The following BPTF variants were observed in gnomAD, a reference collection of about 807,000 sequenced individuals.
BPTF encodes bromodomain PHD finger transcription factor.
A neutral mutation model predicts 292.5 loss-of-function variants in BPTF; 18 were observed. That is an observed-to-expected ratio of 0.06 (90% CI 0.04 to 0.09). BPTF has a LOEUF of 0.09. Ranked by LOEUF, BPTF falls within the 10% of genes least tolerant of loss-of-function variation. The probability of loss-of-function intolerance (pLI) is 1.00; values close to 1 mark genes in which losing one functional copy is unlikely to be tolerated. For synonymous variants in BPTF, 1,225 were observed against 1,251.9 expected (o/e 0.98, Z 0.45); for missense variants, 2,726 against 3,498.7 (o/e 0.78, Z 5.57).
intron 1 of BPTF, among the ~76,000 whole-genome samples, chr17:67,826,947 G>GT (rs1420916869): frequency 1.3e-5 from 2 of 152,116 alleles, no homozygotes; most frequent in Non-Finnish European, 2.9e-5. Flanking sequence ...CTGTGTGTTT[G>GT]TTTTTATTCT....
chr17:67,828,314 G>A lies in BPTF; in HGVS notation c.613+1977G>A, dbSNP rs114653313. Among the ~76,000 whole-genome samples, 626 of 152,164 alleles carry A rather than the reference G, an allele frequency of 4.1e-3. 5 individuals carry two copies. The highest frequency in any genetic ancestry group is 0.014 in the African/African-American group (588 of 41,508). On this transcript the variant is annotated intron_variant, in intron 1 of 27. Coordinates refer to ENST00000306378, the MANE Select transcript of BPTF (RefSeq NM_182641.4). ...CACCCAGAGCCGGTAATTGAAACACGGAGACTGAATTGCATACACCCCTGG... is the reference window on the plus strand; with the variant it reads ...CACCCAGAGCCGGTAATTGAAACACAGAGACTGAATTGCATACACCCCTGG...
chr17:67,959,931 T>C, intron 24 of BPTF, 56 bp downstream of exon 24: 1 of 1,317,380 alleles, frequency 7.6e-7, no homozygotes, highest in South Asian at 1.6e-5. Context: ...GCTATTAAAT[T>C]GGATTTTGAA....
rs782088820 is a variant in BPTF, at chr17:67,945,593, TCAGCCTGAAGTTCAGACC to T, written c.6888_6905del (p.Pro2297_Gln2302del). On this transcript the variant is annotated inframe_deletion, in exon 21 of 28. Transcript: ENST00000306378. Reference sequence around the variant, plus strand: ...CCCCAGCTCAGCCTGAAGTTCAGACTCAGCCTGAAGTTCAGACCCAAACAACTGTTTCATCCCATGTCC... The same window carrying T: ...CCCCAGCTCAGCCTGAAGTTCAGACTCAAACAACTGTTTCATCCCATGTCC... 2 of 1,611,270 alleles carry T rather than the reference TCAGCCTGAAGTTCAGACC, an allele frequency of 1.2e-6. No homozygotes were observed. The highest frequency in any genetic ancestry group is 1.1e-5 in the South Asian group (1 of 90,870).
chr17:67,856,229 C>T (rs558522323), intron 2 of BPTF, among the ~76,000 whole-genome samples: 8 of 152,084 alleles, frequency 5.3e-5, no homozygotes, highest in African/African-American at 1.7e-4. Context: ...TTATCTTGGT[C>T]GTCCAACCCT....
rs139647949 is a variant in BPTF, at chr17:67,869,297, AT to A, written c.1660+2611del. 3.1e-3 allele frequency among the ~76,000 whole-genome samples: 474 copies of A among 152,326 alleles called. 4 individuals are homozygous for A. The highest frequency in any genetic ancestry group is 0.011 in the African/African-American group (444 of 41,580). ...AATAAAAAATAGAAAAAACAAAAAA[AT>A]ATTTTCTGTGTGTTAGATTATGTAT... On this transcript the variant is annotated intron_variant, in intron 3 of 27. Transcript: ENST00000306378.
intron 22 of BPTF, 91 bp from the exon 23 acceptor site, chr17:67,947,990 T>C (rs2147991257): frequency 2.9e-6 from 4 of 1,363,676 alleles, no homozygotes; most frequent in Non-Finnish European, 4.1e-6. Context: ...CAGAAAGTTT[T>C]TGTCTCATCT....
Position 67,911,481 on chromosome 17 carries a change from A to T in BPTF, c.3597A>T (p.Arg1199Ser). The T allele has an allele frequency of 6.2e-7, 1 of 1,614,072 alleles. No homozygotes were observed. The highest frequency in any genetic ancestry group is 8.5e-7 in the Non-Finnish European group (1 of 1,179,988). Residue 1199 changes from arginine to serine, a missense_variant, in exon 11 of 28, where the codon AGA becomes AGT. By Grantham distance (110) the Arg-to-Ser change is moderately radical. Transcript: ENST00000306378. ...AAAAAGTCTCTGACCTTGCCAGTAGAGGCCAGGAACCCAGTAAGAGTAAAA... is the reference window on the plus strand; with the variant it reads ...AAAAAGTCTCTGACCTTGCCAGTAGTGGCCAGGAACCCAGTAAGAGTAAAA... Reference protein sequence around the residue: ...IEEKVSDLASRGQEPSKSKTK... With the variant: ...IEEKVSDLASSGQEPSKSKTK...
rs1194017173 is a variant in BPTF, at chr17:67,947,184, T to C, written c.7618-542T>C. ...TTACACAGCGAAGTTATTTTAAAGA[T>C]GTAGTATTCTTATGAAAATGACGGT... On this transcript the variant is annotated intron_variant, in intron 21 of 27. Transcript: ENST00000306378. Among the ~76,000 whole-genome samples, 4 of 152,212 alleles carry C rather than the reference T, an allele frequency of 2.6e-5. No individual in the cohort carries two copies. The East Asian group carries it at 7.7e-4, about 29-fold the overall frequency.
chr17:67,846,947 C>T (rs1361668712), intron 1 of BPTF, among the ~76,000 whole-genome samples: 6 of 152,072 alleles, frequency 3.9e-5, no homozygotes, highest in African/African-American at 9.7e-5. Context: ...GTGATCCACC[C>T]GCCTTGGCCT....
At chr17:67,963,849 AT>A (rs2067747094) in intron 24 of BPTF, among the ~76,000 whole-genome samples, 1 of 152,192 alleles carries the variant, frequency 6.6e-6, no homozygotes, top group Non-Finnish European at 1.5e-5. Flanking sequence ...AAAAACACTA[AT>A]TTGGGTACAA....
intron 13 of BPTF, among the ~76,000 whole-genome samples, chr17:67,922,304 T>C (rs1167433844): frequency 6.6e-6 from 1 of 152,224 alleles, no homozygotes; most frequent in Non-Finnish European, 1.5e-5. Context: ...CTTTTTATTT[T>C]TTAAATCTTT....
intron 3 of BPTF, among the ~76,000 whole-genome samples, chr17:67,874,215 A>G (rs1477337140): frequency 6.6e-6 from 1 of 152,194 alleles, no homozygotes; most frequent in Non-Finnish European, 1.5e-5. Flanking sequence ...GTGGTCTATA[A>G]CATGCCATAG....
rs756908416 is a variant in BPTF at position 67,912,083 on chromosome 17, A to G, written c.4199A>G (p.Gln1400Arg). ...AATCGAGAGTCTGAAAAGAAAGGAC[A>G]GAGAACAAGTACATTTCAAATAAAT... ...NENRESEKKG[Q>R]RTSTFQINGK... Residue 1400 changes from glutamine (Q) to arginine (R), a missense_variant, in exon 11 of 28, where the codon CAG becomes CGG. By Grantham distance (43) the Gln-to-Arg change is conservative (BLOSUM62 1). This residue lies in a region of BPTF where 713 missense variants were observed against 714.9 expected (regional missense o/e 1.00). Coordinates refer to ENST00000306378, the MANE Select transcript of BPTF (RefSeq NM_182641.4). 3 of 1,609,960 alleles carry G rather than the reference A, an allele frequency of 1.9e-6. No homozygotes were observed. In the Admixed American group the frequency reaches 5.1e-5, roughly 27 times the overall value.
In BPTF at chr17:67,936,425, C is replaced by G. The variant is rs117391632; in HGVS notation, c.6260-4014C>G. 2.1e-3 allele frequency among the ~76,000 whole-genome samples: 313 copies of G among 152,252 alleles called. 8 individuals carry two copies. The East Asian group carries it at 0.048, about 23-fold the overall frequency. On this transcript the variant is annotated intron_variant, in intron 18 of 27. Transcript: ENST00000306378. Reference sequence around the variant, plus strand: ...GTTTTCTATATACTTAGAAAACTGACAGTTGTGGTAAATTGCCAGAGAAAC... The same window carrying G: ...GTTTTCTATATACTTAGAAAACTGAGAGTTGTGGTAAATTGCCAGAGAAAC...
chr17:67,928,995 C>T, intron 16 of BPTF: 1 of 1,188,504 alleles, frequency 8.4e-7, no homozygotes, highest in Non-Finnish European at 1.0e-6. Flanking sequence ...ACAACCATTG[C>T]CAGCACAGGT....
intron 3 of BPTF, among the ~76,000 whole-genome samples, chr17:67,872,015 G>A (rs898461315): frequency 2.0e-5 from 3 of 151,964 alleles, no homozygotes; most frequent in Non-Finnish European, 4.4e-5. Context: ...AGGTAGAGAC[G>A]GGGTTTCACC....
chr17:67,981,864 TAAAC>T (rs1438455192), intron 27 of BPTF: 50 of 34,618 alleles, frequency 1.4e-3, no homozygotes, highest in African/African-American at 3.6e-3. Context: ...TCAATGTAAA[TAAAC>T]ACACACACAC....
intron 1 of BPTF, among the ~76,000 whole-genome samples, chr17:67,832,566 TTA>T (rs2056785671): frequency 6.6e-6 from 1 of 152,154 alleles, no homozygotes; most frequent in Non-Finnish European, 1.5e-5. Context: ...GAGATATAAT[TTA>T]TATACTGTAA....
At chr17:67,857,712 C>T (rs139898499) in intron 2 of BPTF, among the ~76,000 whole-genome samples, 347 of 151,880 alleles carry the variant, frequency 2.3e-3, no homozygotes, top group African/African-American at 8.1e-3. Context: ...AGCCATCTGC[C>T]CTTCTCGGCC....
Sources: gnomAD v4.1 joint callset for allele counts (sites outside exome capture counted in the v4.1 genomes callset) on GRCh38, gnomAD v4.1.1 for gene constraint, gnomAD v4.1.1 regional missense constraint, MANE v1.5 for transcripts, NCBI Gene and HGNC (gene_info 2026-07-23, HGNC 2026-07-21) for gene names.